The following TNRC6B variants were observed in gnomAD, a reference collection of about 807,000 sequenced individuals.
TNRC6B encodes the protein trinucleotide repeat containing adaptor 6B, also known as trinucleotide repeat-containing gene 6B protein.
TNRC6B carries 52 observed loss-of-function variants against 203.6 expected under a neutral mutation model. The ratio of observed to expected loss-of-function variants is 0.26; its 90% CI spans 0.20 to 0.32. The LOEUF is 0.32. Ranked by LOEUF, TNRC6B falls within the 10% of genes least tolerant of loss-of-function variation. The pLI is 1.00. For synonymous variants in TNRC6B, 838 were observed against 845.7 expected (o/e 0.99, Z 0.16); for missense variants, 1,923 against 2,286.2 (o/e 0.84, Z 3.24).
intron 1 of TNRC6B, among the ~76,000 whole-genome samples, chr22:40,100,587 G>T (rs2068231045): frequency 6.6e-6 from 1 of 152,062 alleles, no homozygotes; most frequent in South Asian, 2.1e-4. Context: ...TAATTATTGG[G>T]TCTTACCAGG....
intron 1 of TNRC6B, among the ~76,000 whole-genome samples, chr22:40,225,742 CAAAAAAAA>C (rs34769532): frequency 1.1e-3 from 71 of 64,376 alleles, no homozygotes; most frequent in African/African-American, 4.6e-3. Flanking sequence ...GACTCCGTCT[CAAAAAAAA>C]AAAAAAAAAA....
intron 1 of TNRC6B, among the ~76,000 whole-genome samples, chr22:40,115,909 A>G (rs2068383153): frequency 6.6e-6 from 1 of 152,256 alleles, no homozygotes; most frequent in South Asian, 2.1e-4. Context: ...CTCTTCAGCA[A>G]GAAAGACTGC....
At chr22:40,128,229 T>G (rs2068510885) in intron 3 of TNRC6B, among the ~76,000 whole-genome samples, 1 of 152,176 alleles carries the variant, frequency 6.6e-6, no homozygotes, top group African/African-American at 2.4e-5. Flanking sequence ...GTTTAAAATC[T>G]TATATTTGGA....
intron 1 of TNRC6B, 125 bp from the exon 2 acceptor site, chr22:40,245,890 C>G (rs1601916520): frequency 1.8e-6 from 1 of 547,368 alleles, no homozygotes; most frequent in Non-Finnish European, 3.1e-6. Context: ...AAATGAAATA[C>G]TGTGTTCTAT....
rs2070474990 is a variant in TNRC6B, at chr22:40,266,081, G to A, written c.1851G>A (p.Val617=). ...GCCGAACTGATTTGGACCCCAGGGT[G>A]CTCTCAAACACTGGCTGGGGCCAAA... is the stretch of plus-strand genomic sequence containing the variant. ...LLSRTDLDPR[V]LSNTGWGQTQ... is the part of the protein sequence containing the mutation. Residue 617 remains valine (V), a synonymous_variant, in exon 5 of 23, where the codon GTG becomes GTA. Coordinates refer to ENST00000454349, the MANE Select transcript of TNRC6B (RefSeq NM_001162501.2). 6.2e-7 allele frequency: 1 copy of A among 1,613,648 alleles called. No homozygotes were observed. The highest frequency in any genetic ancestry group is 1.7e-5 in the Admixed American group (1 of 60,010).
chr22:40,097,957 G>A (rs1239695997), intron 1 of TNRC6B, among the ~76,000 whole-genome samples: 5 of 152,000 alleles, frequency 3.3e-5, no homozygotes, highest in African/African-American at 1.2e-4. Flanking sequence ...GGGACTACAG[G>A]TGTATGCCAC....
At chr22:40,130,995 G>A (rs538495591) in intron 3 of TNRC6B, among the ~76,000 whole-genome samples, 85 of 150,872 alleles carry the variant, frequency 5.6e-4, no homozygotes, top group Non-Finnish European at 8.9e-4. Context: ...TCCGCCTCCC[G>A]GGTTCACGCC....
intron 3 of TNRC6B, among the ~76,000 whole-genome samples, chr22:40,151,219 C>T (rs2068749653): frequency 3.3e-5 from 5 of 151,674 alleles, no homozygotes. Flanking sequence ...TGCAGTGAGC[C>T]GAGATCACGC....
intron 1 of TNRC6B, among the ~76,000 whole-genome samples, chr22:40,092,642 A>G (rs2068159280): frequency 6.6e-6 from 1 of 152,098 alleles, no homozygotes; most frequent in African/African-American, 2.4e-5. Flanking sequence ...CCAAGTGGCC[A>G]GAACTATAGG....
At position 40,301,162 on chromosome 22, in the gene TNRC6B, G is replaced by A. The variant is rs1007646963; in HGVS notation, c.3949G>A (p.Val1317Met). The change falls in exon 15 of 23, where the codon GTG (valine) becomes ATG (methionine). Residue 1317 changes from valine (V) to methionine (M), a missense_variant. Physicochemically the swap from Val to Met is conservative, Grantham distance 21 (BLOSUM62 1). Around this residue, in one of 8 missense-constraint regions of TNRC6B, gnomAD observed 242 missense variants for 399.5 expected, o/e 0.61. Coordinates refer to ENST00000454349, the MANE Select transcript of TNRC6B (RefSeq NM_001162501.2). ...QQQEQQLARM[V>M]SALQQQQQQQ... ...TCTTGGCCCTCAGCTGGCTCGAATGGTGAGTGCACTGCAGCAGCAGCAGCA... is the reference window on the plus strand; with the variant it reads ...TCTTGGCCCTCAGCTGGCTCGAATGATGAGTGCACTGCAGCAGCAGCAGCA... The A allele has an allele frequency of 3.9e-6, 6 of 1,547,542 alleles. No individual in the cohort carries two copies. In the African/African-American group the frequency reaches 5.7e-5, roughly 15 times the overall value.
chr22:40,163,826 TA>T (rs1012156794), intron 4 of TNRC6B, among the ~76,000 whole-genome samples: 9 of 152,016 alleles, frequency 5.9e-5, no homozygotes, highest in African/African-American at 1.4e-4. Context: ...AATTTTATTT[TA>T]TTTTTTTATT....
rs2068563209 is a variant in TNRC6B at position 40,132,960 on chromosome 22, A to AT, written c.45+7098_45+7099insT. Among the ~76,000 whole-genome samples, 8 of 116,772 alleles carry AT rather than the reference A, an allele frequency of 6.9e-5. 1 individual carries two copies. Among genetic ancestry groups the AT allele is most frequent in the African/African-American group, 2.0e-4 (6 of 30,546 alleles). 76.6% of individuals were successfully genotyped at this position (116,772 alleles called of 152,430 possible). A position where few individuals can be genotyped will look rare whatever the true frequency, so the allele number is the denominator to read the frequency against. ...CTCTGTCTCAAAAAAAAAAAAAAAA[A>AT]AAAAAAAAAATATATATATATATAT... On this transcript the variant is annotated intron_variant, in intron 3 of 23. Transcript: ENST00000301923.
chr22:40,292,982 T>C (rs1244985424), intron 12 of TNRC6B, among the ~76,000 whole-genome samples: 1 of 152,184 alleles, frequency 6.6e-6, no homozygotes, highest in Non-Finnish European at 1.5e-5. Context: ...CCATATAGTA[T>C]AGAGCCTCCT....
intron 6 of TNRC6B, among the ~76,000 whole-genome samples, chr22:40,270,750 C>G (rs545458961): frequency 3.3e-5 from 5 of 152,210 alleles, no homozygotes; most frequent in Admixed American, 2.6e-4. Flanking sequence ...TAATAGCAAA[C>G]GGTTGTGGCT....
At chr22:40,192,771 G>GGCCT (rs1190957468) in intron 1 of TNRC6B, among the ~76,000 whole-genome samples, 2 of 152,210 alleles carry the variant, frequency 1.3e-5, no homozygotes. Flanking sequence ...GGGTAGAGCA[G>GGCCT]GGGTTTGGGC....
intron 1 of TNRC6B, among the ~76,000 whole-genome samples, chr22:40,087,783 C>G (rs1440406170): frequency 6.6e-6 from 1 of 152,112 alleles, no homozygotes; most frequent in Non-Finnish European, 1.5e-5. Context: ...AGGCTGGAGA[C>G]TGAGAGGGAG....
chr22:40,076,635 T>C (rs1162480514), intron 1 of TNRC6B, among the ~76,000 whole-genome samples: 1 of 152,142 alleles, frequency 6.6e-6, no homozygotes, highest in Non-Finnish European at 1.5e-5. Context: ...ACTCTTGGCC[T>C]CAAGCAGTCT....
At chr22:40,253,464 C>A (rs1468877660) in intron 3 of TNRC6B, 1 of 437,658 alleles carries the variant, frequency 2.3e-6, no homozygotes, top group Non-Finnish European at 4.5e-6. Context: ...CTTTCCTCTA[C>A]CAGTCTTAAA....
At chr22:40,245,991 T>C in intron 1 of TNRC6B, 24 bp from the exon 2 acceptor site, 1 of 1,521,488 alleles carries the variant, frequency 6.6e-7, no homozygotes, top group Non-Finnish European at 8.9e-7. Flanking sequence ...TGTATAACCT[T>C]CTGTTATGAT....
Sources: gnomAD v4.1 joint callset for allele counts (sites outside exome capture counted in the v4.1 genomes callset) on GRCh38, gnomAD v4.1.1 for gene constraint, gnomAD v4.1.1 regional missense constraint, MANE v1.5 for transcripts, NCBI Gene and HGNC (gene_info 2026-07-23, HGNC 2026-07-21) for gene names.